The following ADGRL2 variants were observed in gnomAD, a reference collection of about 807,000 sequenced individuals.
ADGRL2 encodes the protein adhesion G protein-coupled receptor L2, also known as calcium-independent alpha-latrotoxin receptor 2.
A neutral mutation model predicts 157.4 loss-of-function variants in ADGRL2; 44 were observed. The ratio of observed to expected loss-of-function variants is 0.28; its 90% confidence interval spans 0.22 to 0.36. The LOEUF is 0.36. Ranked by LOEUF, ADGRL2 falls within the 10% of genes least tolerant of loss-of-function variation. ADGRL2 has a pLI of 1.00. For missense variants in ADGRL2, 1,510 were observed against 1,768.9 expected, an observed-to-expected ratio of 0.85 and a Z score of 2.63; for synonymous variants, 585 against 624.7, an observed-to-expected ratio of 0.94 and a Z score of 0.95.
At chr1:81,457,266 T>C (rs4650369) in intron 2 of ADGRL2, among the ~76,000 whole-genome samples, 23,337 of 152,142 alleles carry the variant, frequency 0.15, 2,370 homozygotes, top group East Asian at 0.59. Flanking sequence ...AGTAGTAAGT[T>C]AATATGGTAC....
chr1:81,474,475 C>T (rs12094810), intron 2 of ADGRL2, among the ~76,000 whole-genome samples: 5,802 of 152,220 alleles, frequency 0.038, 360 homozygotes, highest in African/African-American at 0.13. Flanking sequence ...AAAGATGCTT[C>T]CTGGTATGCC....
At chr1:81,947,933 A>G (rs1650404895) in intron 6 of ADGRL2, among the ~76,000 whole-genome samples, 1 of 152,146 alleles carries the variant, frequency 6.6e-6, no homozygotes, top group Non-Finnish European at 1.5e-5. Flanking sequence ...AAAAGGTAAA[A>G]AGTGGCTGGG....
chr1:81,993,217 A>G lies in ADGRL2; in HGVS notation c.*2072A>G, dbSNP rs913295934. The stretch of plus-strand genomic sequence containing the variant: ...CCCAGGTTCTCAAACAGATTTAACA[A>G]TCCTCTGAGAATGGTACTCATTTAT... On this transcript the variant is annotated 3_prime_UTR_variant, in exon 24 of 24. Coordinates refer to ENST00000686636, the MANE Select transcript of ADGRL2 (RefSeq NM_001366006.2). 2.6e-4 allele frequency among the ~76,000 whole-genome samples: 39 copies of G among 147,336 alleles called. No homozygotes were observed. The highest frequency in any genetic ancestry group is 4.3e-4 in the South Asian group (2 of 4,672).
intron 3 of ADGRL2, among the ~76,000 whole-genome samples, chr1:81,674,034 C>T (rs943878603): frequency 1.1e-4 from 16 of 152,102 alleles, no homozygotes; most frequent in African/African-American, 3.1e-4. Context: ...GTCCTGGCAA[C>T]ATTTCAAAAT....
intron 22 of ADGRL2, among the ~76,000 whole-genome samples, chr1:81,987,648 A>G (rs1479798197): frequency 6.6e-6 from 1 of 151,602 alleles, no homozygotes; most frequent in Admixed American, 6.6e-5. Flanking sequence ...TATTTTAAAT[A>G]AAAGTATATA....
intron 1 of ADGRL2, among the ~76,000 whole-genome samples, chr1:81,750,336 A>G (rs540735848): frequency 5.3e-5 from 8 of 152,208 alleles, no homozygotes; most frequent in Non-Finnish European, 8.8e-5. Context: ...TATTGGTTAC[A>G]GGTAGGATGG....
intron 1 of ADGRL2, among the ~76,000 whole-genome samples, chr1:81,312,022 T>A (rs17106382): frequency 0.016 from 2,396 of 152,252 alleles, 69 homozygotes; most frequent in African/African-American, 0.056. Context: ...TGTCACTAAA[T>A]CTTCAGACAC....
intron 2 of ADGRL2, among the ~76,000 whole-genome samples, chr1:81,848,792 AT>A (rs1194138947): frequency 6.6e-6 from 1 of 151,952 alleles, no homozygotes; most frequent in Non-Finnish European, 1.5e-5. Flanking sequence ...GTTACCAGCT[AT>A]TGCTGAGAAC....
intron 1 of ADGRL2, among the ~76,000 whole-genome samples, chr1:81,311,732 C>A (rs1659768798): frequency 6.6e-6 from 1 of 152,068 alleles, no homozygotes; most frequent in Non-Finnish European, 1.5e-5. Context: ...TTTACACATG[C>A]TTAATTTTAA....
chr1:81,339,422 T>C (rs887092328), intron 1 of ADGRL2, among the ~76,000 whole-genome samples: 2 of 152,224 alleles, frequency 1.3e-5, no homozygotes, highest in South Asian at 2.1e-4. Context: ...CTTGCTTCAT[T>C]TGCATCTCAC....
chr1:81,354,798 G>A (rs1175929426), intron 1 of ADGRL2, among the ~76,000 whole-genome samples: 1 of 152,162 alleles, frequency 6.6e-6, no homozygotes, highest in Non-Finnish European at 1.5e-5. Context: ...ATTCCTCGCT[G>A]TCAACTAGTC....
intron 2 of ADGRL2, among the ~76,000 whole-genome samples, chr1:81,852,812 A>T (rs918406324): frequency 3.3e-5 from 5 of 152,250 alleles, no homozygotes; most frequent in African/African-American, 1.2e-4. Flanking sequence ...GCTGAGAAGT[A>T]CTGTACTATG....
At chr1:81,882,354 G>T (rs1247555916) in intron 2 of ADGRL2, among the ~76,000 whole-genome samples, 1 of 152,038 alleles carries the variant, frequency 6.6e-6, no homozygotes, top group Non-Finnish European at 1.5e-5. Flanking sequence ...GGATCTTTTG[G>T]TATTCATCAG....
chr1:81,718,461 TA>T (rs34448377), intron 1 of ADGRL2, among the ~76,000 whole-genome samples: 14,408 of 146,484 alleles, frequency 0.098, 727 homozygotes, highest in South Asian at 0.19. Context: ...AATGTAGCAT[TA>T]AAAAAAAAAA....
chr1:81,780,241 A>G (rs907871945), intron 2 of ADGRL2, among the ~76,000 whole-genome samples: 6 of 152,212 alleles, frequency 3.9e-5, no homozygotes, highest in African/African-American at 1.4e-4. Context: ...TGGATTAAAA[A>G]TTAATTGTTT....
At chr1:81,798,854 C>G (rs1323900734), upstream of ADGRL2, among the ~76,000 whole-genome samples, 1 of 152,140 alleles carries the variant, frequency 6.6e-6, no homozygotes, top group African/African-American at 2.4e-5. Context: ...AAAACTTCAG[C>G]CTAAGTTTTG....
rs2095317445 is a variant in ADGRL2, at chr1:81,936,855, A to G, written c.397+18A>G. The G allele has an allele frequency of 6.9e-7, 1 of 1,443,512 alleles. No individual in the cohort carries two copies. The highest frequency in any genetic ancestry group is 9.8e-7 in the Non-Finnish European group (1 of 1,025,588). 89.4% of individuals were successfully genotyped at this position (1,443,512 alleles called of 1,614,324 possible). A position where few individuals can be genotyped will look rare whatever the true frequency, so the allele number is the denominator to read the frequency against. ...CCCTTACAGTAAGTATGCAGTTTAT[A>G]TTTTTTTACACTTTGCCCAGCATTA... On this transcript the variant is annotated intron_variant, in intron 4 of 23. Coordinates refer to ENST00000686636, the MANE Select transcript of ADGRL2 (RefSeq NM_001366006.2).
At chr1:81,678,287 C>T (rs114085415) in intron 3 of ADGRL2, among the ~76,000 whole-genome samples, 383 of 152,210 alleles carry the variant, frequency 2.5e-3, no homozygotes, top group Non-Finnish European at 4.0e-3. Context: ...ACAAAAAAAT[C>T]GATGGTGTTA....
In ADGRL2 at chr1:81,990,478, A is replaced by G. The variant is rs764425371; in HGVS notation, c.3743A>G (p.Lys1248Arg). 3.1e-6 allele frequency: 5 copies of G among 1,614,108 alleles called. No homozygotes were observed. The Admixed American group carries it at 5.0e-5, about 16-fold the overall frequency. Reference sequence around the variant, plus strand: ...TTTAACAACAGCTACTCGCTGCACAAGGGTGACTATAATGACAGCGTGCAA... The same window carrying G: ...TTTAACAACAGCTACTCGCTGCACAGGGGTGACTATAATGACAGCGTGCAA... ...GNFNNSYSLH[K>R]GDYNDSVQVV... Residue 1248 changes from lysine to arginine, a missense_variant, in exon 24 of 24, where the codon AAG becomes AGG. Lys to Arg is a conservative substitution (Grantham distance 26). Transcript: ENST00000686636.
Sources: allele counts gnomAD v4.1 joint callset (sites outside exome capture counted in the v4.1 genomes callset), GRCh38; gene constraint gnomAD v4.1.1; transcripts MANE v1.5; gene names NCBI Gene and HGNC (gene_info 2026-07-23, HGNC 2026-07-21).